The following GPR19 variants were observed in gnomAD, a reference collection of about 807,000 sequenced individuals.
GPR19 encodes G protein-coupled receptor 19.
Under a neutral mutation model 28.5 loss-of-function variants are expected in GPR19, and 14 were observed. The observed-to-expected ratio is 0.49, with a 90% CI of 0.32 to 0.77. The LOEUF (loss-of-function observed/expected upper bound fraction) is 0.77, where lower values mean the gene tolerates loss of function less well. GPR19 is among the 30% of genes least tolerant of loss of function. The pLI, the probability that GPR19 is intolerant of heterozygous loss-of-function variation, is 0.03. For missense variants in GPR19, 409 were observed against 504.1 expected (o/e 0.81, Z 1.81); for synonymous variants, 173 against 184.1 (o/e 0.94, Z 0.49).
intron 2 of GPR19, among the ~76,000 whole-genome samples, chr12:12,692,577 G>A (rs1373307168): frequency 2.6e-5 from 4 of 152,024 alleles, no homozygotes; most frequent in South Asian, 2.1e-4. Flanking sequence ...AAAGAAAGAC[G>A]GACTGGATAC....
the GPR19 span, among the ~76,000 whole-genome samples, chr12:12,708,806 T>C: frequency 0.021 from 3,199 of 152,306 alleles, 208 homozygotes; most frequent in Admixed American, 0.14. Flanking sequence ...CCCAGCACTT[T>C]GGGAAGCCAA....
chr12:12,714,034 CTGTT>C, the GPR19 span, among the ~76,000 whole-genome samples: 1 of 152,202 alleles, frequency 6.6e-6, no homozygotes. Flanking sequence ...TAGTTTAAAT[CTGTT>C]TGTTTACTTC....
intron 3 of GPR19, among the ~76,000 whole-genome samples, chr12:12,679,090 T>G (rs1161397007): frequency 6.6e-6 from 1 of 152,134 alleles, no homozygotes; most frequent in Non-Finnish European, 1.5e-5. Flanking sequence ...AACCACCGTG[T>G]CTGGCTCTTT....
chr12:12,669,929 C>A (rs944894870), intron 3 of GPR19, among the ~76,000 whole-genome samples: 1 of 152,140 alleles, frequency 6.6e-6, no homozygotes, highest in Admixed American at 6.5e-5. Context: ...TGAGGTCTTG[C>A]TATGTTGTCC....
the GPR19 span, chr12:12,715,101 C>T: frequency 3.3e-5 from 5 of 152,212 alleles, no homozygotes; most frequent in African/African-American, 1.2e-4. Flanking sequence ...ACTTCTGTGG[C>T]AAGGTGAACT....
At chr12:12,694,188 C>CTTTTTGTTTTTTT (rs1946228050) in intron 2 of GPR19, among the ~76,000 whole-genome samples, 1 of 43,810 alleles carries the variant, frequency 2.3e-5, no homozygotes, top group African/African-American at 9.1e-5. Flanking sequence ...GAGTACCTGT[C>CTTTTTGTTTTTTT]TTTTTTTTTT....
chr12:12,675,335 G>A (rs1945915924), intron 3 of GPR19, among the ~76,000 whole-genome samples: 1 of 152,184 alleles, frequency 6.6e-6, no homozygotes, highest in South Asian at 2.1e-4. Context: ...GAGAGTCTCA[G>A]TAATGTTTGC....
In GPR19 at chr12:12,661,776, C is replaced by T; in HGVS notation, c.673G>A (p.Val225Ile). 3 of 1,613,882 alleles carry T rather than the reference C, an allele frequency of 1.9e-6. No individual in the cohort carries two copies. Among genetic ancestry groups the T allele is most frequent in the Non-Finnish European group, 2.5e-6 (3 of 1,179,918 alleles). Residue 225 changes from valine (V) to isoleucine (I), a missense_variant, in exon 4 of 4, where the codon GTC becomes ATC. Transcript: ENST00000651487. The surrounding 1 kb of genome is among the most constrained non-coding windows in gnomAD (Gnocchi z 4.2). Reference sequence around the variant, plus strand: ...ACAAAGCCCACCAAGAAGTGGATGACAGTGTAGGCAGTGCCTTCCCAAGAG... The same window carrying T: ...ACAAAGCCCACCAAGAAGTGGATGATAGTGTAGGCAGTGCCTTCCCAAGAG... ...PSSWEGTAYT[V>I]IHFLVGFVIP...
chr12:12,704,526 A>T, the GPR19 span, among the ~76,000 whole-genome samples: 2 of 152,208 alleles, frequency 1.3e-5, no homozygotes, highest in South Asian at 4.1e-4. Flanking sequence ...AAAAAATACT[A>T]TCATAAAATA....
At chr12:12,698,634 A>T (rs1205274134), upstream of GPR19, among the ~76,000 whole-genome samples, 1 of 149,996 alleles carries the variant, frequency 6.7e-6, no homozygotes, top group African/African-American at 2.4e-5. Context: ...TTTTCTCAAG[A>T]CGGTCTTGCT....
chr12:12,701,624 T>C, the GPR19 span, among the ~76,000 whole-genome samples: 1 of 152,144 alleles, frequency 6.6e-6, no homozygotes. Flanking sequence ...CTAAAATCCA[T>C]TGAGTTCTAA....
At chr12:12,707,238 C>G in the GPR19 span, among the ~76,000 whole-genome samples, 1 of 152,240 alleles carries the variant, frequency 6.6e-6, no homozygotes, top group Admixed American at 6.5e-5. Flanking sequence ...ACTCAAATAT[C>G]ACTTTATTGA....
chr12:12,691,053 A>G (rs1286581720), intron 2 of GPR19, among the ~76,000 whole-genome samples: 2 of 151,668 alleles, frequency 1.3e-5, no homozygotes, highest in African/African-American at 4.9e-5. Flanking sequence ...AACTCTTTGG[A>G]TTTTAATTGT....
chr12:12,697,879 G>A (rs1418844313), upstream of GPR19, among the ~76,000 whole-genome samples: 1 of 152,008 alleles, frequency 6.6e-6, no homozygotes, highest in Non-Finnish European at 1.5e-5. Context: ...TTATCTAGAG[G>A]TACTCTGACT....
chr12:12,685,530 G>A (rs1229159793), intron 2 of GPR19, among the ~76,000 whole-genome samples: 1 of 152,070 alleles, frequency 6.6e-6, no homozygotes, highest in African/African-American at 2.4e-5. Context: ...CTGCTGAAGA[G>A]GATGATTTCT....
At chr12:12,716,958 CG>C in the GPR19 span, 1 of 985,296 alleles carries the variant, frequency 1.0e-6, no homozygotes, top group Non-Finnish European at 1.2e-6. Flanking sequence ...AGCGAGCTGC[CG>C]GCGACCTTCG....
chr12:12,697,172 A>AAAAAAAAAAAAAAAAC (rs1201700436), upstream of GPR19, among the ~76,000 whole-genome samples: 1 of 149,856 alleles, frequency 6.7e-6, no homozygotes, highest in Non-Finnish European at 1.5e-5. Context: ...AAAAAAAAAA[A>AAAAAAAAAAAAAAAAC]AAAAAGCAGC....
the GPR19 span, among the ~76,000 whole-genome samples, chr12:12,713,057 C>CTTTTT: frequency 2.8e-5 from 3 of 108,062 alleles, no homozygotes; most frequent in Non-Finnish European, 5.5e-5. Context: ...ATCTGATGCG[C>CTTTTT]TTTTTTTTTT....
chr12:12,695,060 C>A (rs1408673807), intron 2 of GPR19, among the ~76,000 whole-genome samples: 1 of 152,188 alleles, frequency 6.6e-6, no homozygotes, highest in African/African-American at 2.4e-5. Flanking sequence ...AGCTTCAATC[C>A]TGTGGCTTTC....
Sources: gnomAD v4.1 joint callset for allele counts (sites outside exome capture counted in the v4.1 genomes callset) on GRCh38, gnomAD v4.1.1 for gene constraint, Gnocchi (gnomAD v3.1) non-coding constraint, MANE v1.5 for transcripts, NCBI Gene and HGNC (gene_info 2026-07-23, HGNC 2026-07-21) for gene names.